Variants in SBF2 observed in about 807,000 individuals in gnomAD.
SBF2 encodes the protein SET binding factor 2, also known as myotubularin-related protein 13.
Under a neutral mutation model 225.2 loss-of-function variants are expected in SBF2, and 112 were observed. That is an observed-to-expected ratio of 0.50 (90% CI 0.43 to 0.58). The LOEUF is 0.58. SBF2 is among the 20% of genes least tolerant of loss of function. The pLI, the probability that SBF2 is intolerant of heterozygous loss-of-function variation, is 0.00. For synonymous variants in SBF2, 763 were observed against 773.3 expected (o/e 0.99, Z 0.22); for missense variants, 1,996 against 2,206.2 (o/e 0.90, Z 1.91).
intron 13 of SBF2, among the ~76,000 whole-genome samples, chr11:9,977,504 A>T (rs1946752454): frequency 6.6e-6 from 1 of 151,854 alleles, no homozygotes; most frequent in African/African-American, 2.4e-5. Flanking sequence ...AAAAAAAAAA[A>T]AAAGAATCAT....
chr11:10,058,226 C>T (rs1353056198), intron 2 of SBF2, among the ~76,000 whole-genome samples: 2 of 152,086 alleles, frequency 1.3e-5, no homozygotes, highest in Admixed American at 1.3e-4. Context: ...CAGTAAGATT[C>T]AGGAGGATGG....
intron 28 of SBF2, among the ~76,000 whole-genome samples, chr11:9,824,127 G>A (rs145751839): frequency 6.6e-6 from 1 of 152,314 alleles, no homozygotes; most frequent in East Asian, 1.9e-4. Context: ...ATCTGAAAAG[G>A]TAAATACAGC....
intron 13 of SBF2, among the ~76,000 whole-genome samples, chr11:9,980,289 TAAAAAA>T (rs1170874978): frequency 7.6e-5 from 8 of 105,860 alleles, no homozygotes; most frequent in African/African-American, 2.7e-4. Context: ...CTCTTGTAAT[TAAAAAA>T]AAAAAAAAAA....
chr11:9,839,271 T>C (rs1317754047), intron 26 of SBF2: 10 of 542,618 alleles, frequency 1.8e-5, no homozygotes, highest in East Asian at 1.3e-4. Context: ...GAGAAATTCA[T>C]AGGGGGTGAG....
intron 16 of SBF2, among the ~76,000 whole-genome samples, chr11:9,948,123 C>T (rs923147005): frequency 2.6e-4 from 39 of 151,538 alleles, no homozygotes; most frequent in African/African-American, 3.4e-4. Flanking sequence ...AAGGAAATTC[C>T]GACACATGCT....
intron 3 of SBF2, among the ~76,000 whole-genome samples, chr11:10,042,121 T>C (rs1002939904): frequency 5.9e-5 from 9 of 152,320 alleles, no homozygotes; most frequent in African/African-American, 2.2e-4. Flanking sequence ...TTATAATGTC[T>C]GATATATACC....
At chr11:9,939,619 A>T (rs1865129031) in intron 16 of SBF2, among the ~76,000 whole-genome samples, 2 of 152,172 alleles carry the variant, frequency 1.3e-5, no homozygotes, top group Non-Finnish European at 2.9e-5. Context: ...CCCATATAAC[A>T]AACAACATTT....
chr11:10,130,784 G>A (rs1360160716), intron 2 of SBF2, among the ~76,000 whole-genome samples: 2 of 152,024 alleles, frequency 1.3e-5, no homozygotes, highest in Admixed American at 6.5e-5. Flanking sequence ...AAATTGAATC[G>A]TACAGTATGT....
chr11:9,968,776 G>C (rs1480180305), intron 13 of SBF2, among the ~76,000 whole-genome samples: 1 of 152,024 alleles, frequency 6.6e-6, no homozygotes, highest in African/African-American at 2.4e-5. Context: ...TCTTTACTTG[G>C]TTTCTAGGTC....
intron 16 of SBF2, among the ~76,000 whole-genome samples, chr11:9,955,178 G>C (rs946182150): frequency 2.9e-4 from 44 of 151,924 alleles, no homozygotes; most frequent in Admixed American, 1.1e-3. Context: ...TATGTTTCAA[G>C]CAGAGAAGGG....
chr11:10,273,755 A>G lies in SBF2; in HGVS notation c.55+20260T>C, dbSNP rs115990371. On this transcript the variant is annotated intron_variant, in intron 1 of 39. Transcript: ENST00000256190. ...GAATATCTCCTGAAGCATAGCCCTG[A>G]TATCAATCATACAGAAAAGAAACAG... is the stretch of plus-strand genomic sequence containing the variant. Among the ~76,000 whole-genome samples, 123 of 152,358 alleles carry G rather than the reference A, an allele frequency of 8.1e-4. 1 individual carries two copies. The highest frequency in any genetic ancestry group is 2.8e-3 in the African/African-American group (116 of 41,584).
intron 29 of SBF2, 36 bp downstream of exon 29, chr11:9,816,804 C>T: frequency 6.2e-7 from 1 of 1,600,436 alleles, no homozygotes; most frequent in Non-Finnish European, 8.6e-7. Flanking sequence ...CCTAGCGTAT[C>T]CATAAAGTTT....
chr11:9,840,360 C>T (rs1438382226), intron 25 of SBF2, among the ~76,000 whole-genome samples: 1 of 151,250 alleles, frequency 6.6e-6, no homozygotes, highest in African/African-American at 2.4e-5. Flanking sequence ...AATCATGTAA[C>T]TTCTGTGAGG....
rs1234880480 is a variant in SBF2 at position 10,029,878 on chromosome 11, G to A, written c.403-3C>T. 2 of 1,580,734 alleles carry A rather than the reference G, an allele frequency of 1.3e-6. No homozygotes were observed. Among genetic ancestry groups the A allele is most frequent in the Middle Eastern group, 1.7e-4 (1 of 5,976 alleles). On this transcript the variant is annotated splice_polypyrimidine_tract_variant and splice_region_variant and intron_variant, in intron 4 of 39. Transcript: ENST00000256190. ...GTATAGATCAAACCCAGGCAAGCCTGCAAAAAGATAAATACATGTAATTAT... is the reference window on the plus strand; with the variant it reads ...GTATAGATCAAACCCAGGCAAGCCTACAAAAAGATAAATACATGTAATTAT...
rs918624418 is a variant in SBF2 at position 10,133,599 on chromosome 11, G to C, written c.141+60303C>G. ...CAGCAGGGCTGCCTGGCTGCTCCGA[G>C]TGCGGGGCCCACCAAGCCCACGCCC... On this transcript the variant is annotated intron_variant, in intron 2 of 39. Transcript: ENST00000256190. Among the ~76,000 whole-genome samples, 2 of 142,402 alleles carry C rather than the reference G, an allele frequency of 1.4e-5. 1 individual carries two copies. Among genetic ancestry groups the C allele is most frequent in the Non-Finnish European group, 3.2e-5 (2 of 62,862 alleles). The allele number at this position is 142,402 out of a possible 152,430, so 93.4% of individuals were successfully genotyped here.
chr11:9,861,493 G>A (rs547197949), intron 17 of SBF2, among the ~76,000 whole-genome samples: 3 of 151,794 alleles, frequency 2.0e-5, no homozygotes, highest in Non-Finnish European at 4.4e-5. Flanking sequence ...GTGAAACCCC[G>A]TCTCTACTAA....
chr11:9,897,649 T>G lies in SBF2; in HGVS notation c.1861-1638A>C, dbSNP rs957833932. ...GATTTTCCTAGTGGGTGAAGAATAGTGATTAAAGCCCTGACCTTAGACAAT... is the reference window on the plus strand; with the variant it reads ...GATTTTCCTAGTGGGTGAAGAATAGGGATTAAAGCCCTGACCTTAGACAAT... On this transcript the variant is annotated intron_variant, in intron 16 of 39. Transcript: ENST00000256190. Among the ~76,000 whole-genome samples the G allele has an allele frequency of 6.3e-4, 96 of 152,314 alleles. 1 individual carries two copies. The highest frequency in any genetic ancestry group is 2.2e-3 in the African/African-American group (91 of 41,582).
chr11:10,097,239 C>T (rs1025188237), intron 2 of SBF2, among the ~76,000 whole-genome samples: 1 of 152,218 alleles, frequency 6.6e-6, no homozygotes, highest in African/African-American at 2.4e-5. Flanking sequence ...CACTTGACAA[C>T]AGAGAACAAG....
chr11:9,888,422 T>G (rs1234571935), intron 17 of SBF2, among the ~76,000 whole-genome samples: 1 of 151,654 alleles, frequency 6.6e-6, no homozygotes, highest in East Asian at 1.9e-4. Flanking sequence ...GAGGATTGCT[T>G]AAGCCCAGGA....
Sources: allele counts gnomAD v4.1 joint callset (sites outside exome capture counted in the v4.1 genomes callset), GRCh38; gene constraint gnomAD v4.1.1; transcripts MANE v1.5; gene names NCBI Gene and HGNC (gene_info 2026-07-23, HGNC 2026-07-21).